The following CTNNA3 variants were observed in gnomAD, a reference collection of about 807,000 sequenced individuals.
The protein encoded by CTNNA3 is catenin alpha-3.
In CTNNA3, 76 loss-of-function variants were observed where a neutral mutation model predicts 95.7. That is an observed-to-expected ratio of 0.79 (90% CI 0.66 to 0.96). The LOEUF (loss-of-function observed/expected upper bound fraction) is 0.96, where lower values mean the gene tolerates loss of function less well. CTNNA3 is among the 40% of genes least tolerant of loss of function. The pLI is 0.00. For synonymous variants in CTNNA3, 431 were observed against 374.4 expected, an observed-to-expected ratio of 1.15 and a Z score of -1.74; for missense variants, 1,191 against 1,089.8, an observed-to-expected ratio of 1.09 and a Z score of -1.31.
At chr10:67,362,408 CAAA>C (rs1237344137) in intron 5 of CTNNA3, among the ~76,000 whole-genome samples, 1 of 152,082 alleles carries the variant, frequency 6.6e-6, no homozygotes, top group Non-Finnish European at 1.5e-5. Flanking sequence ...AGCAGCACAT[CAAA>C]AAGTTATTTC....
chr10:67,342,553 A>ATCCATTC (rs1396470098), intron 5 of CTNNA3, among the ~76,000 whole-genome samples: 7 of 152,164 alleles, frequency 4.6e-5, no homozygotes, highest in African/African-American at 1.7e-4. Flanking sequence ...CGTTTTCTGT[A>ATCCATTC]GTAGTTTCAT....
At chr10:66,928,390 G>A in intron 7 of CTNNA3, 1 of 1,614,142 alleles carries the variant, frequency 6.2e-7, no homozygotes, top group African/African-American at 1.3e-5. Context: ...GGAGACCAGC[G>A]AGATGCTGCT....
chr10:67,471,581 A>T (rs1045316360), intron 5 of CTNNA3, among the ~76,000 whole-genome samples: 6 of 152,334 alleles, frequency 3.9e-5, no homozygotes, highest in African/African-American at 1.4e-4. Flanking sequence ...GAAACTGAAG[A>T]AAAAAAGAAC....
At chr10:67,132,498 G>A (rs1860067566) in intron 7 of CTNNA3, among the ~76,000 whole-genome samples, 1 of 152,024 alleles carries the variant, frequency 6.6e-6, no homozygotes, top group African/African-American at 2.4e-5. Flanking sequence ...AGAAATCGAG[G>A]AGATGTACAA....
chr10:67,053,799 A>T (rs1855262739), intron 7 of CTNNA3, among the ~76,000 whole-genome samples: 1 of 152,206 alleles, frequency 6.6e-6, no homozygotes, highest in Admixed American at 6.5e-5. Flanking sequence ...TCATTTTCCC[A>T]TTGAGATTAA....
At chr10:67,146,320 T>C (rs1172389837) in intron 7 of CTNNA3, among the ~76,000 whole-genome samples, 3 of 152,246 alleles carry the variant, frequency 2.0e-5, no homozygotes, top group Non-Finnish European at 4.4e-5. Context: ...GTCTAAGTGC[T>C]AATTTTCCAA....
At chr10:66,736,224 C>T (rs1028903604) in intron 9 of CTNNA3, among the ~76,000 whole-genome samples, 8 of 151,880 alleles carry the variant, frequency 5.3e-5, no homozygotes, top group Non-Finnish European at 8.8e-5. Flanking sequence ...CTCGCCCTGT[C>T]GCCCAGGCTG....
At position 66,459,964 on chromosome 10, in the gene CTNNA3, CT is replaced by C. The variant is rs924669777; in HGVS notation, c.1531+60652del. On this transcript the variant is annotated intron_variant, in intron 11 of 17. Transcript: ENST00000433211. ...GGTTCTTTATTTTAAATGGAACTCACTTTTTGTTATGATGTAAATGACAGAT... is the reference window on the plus strand; with the variant it reads ...GGTTCTTTATTTTAAATGGAACTCACTTTTGTTATGATGTAAATGACAGAT... Among the ~76,000 whole-genome samples the C allele has an allele frequency of 2.6e-4, 37 of 141,376 alleles. 1 individual carries two copies. The allele number at this position is 141,376 out of a possible 152,430, so 92.7% of individuals were successfully genotyped here.
At chr10:66,096,526 CT>C (rs5785749) in intron 14 of CTNNA3, among the ~76,000 whole-genome samples, 37,159 of 135,084 alleles carry the variant, frequency 0.28, 5,124 homozygotes, top group South Asian at 0.4. Flanking sequence ...TCTTTTCTTT[CT>C]TTTTTTTTTT....
At chr10:66,685,231 G>A (rs1208764762) in intron 9 of CTNNA3, among the ~76,000 whole-genome samples, 22 of 120,684 alleles carry the variant, frequency 1.8e-4, no homozygotes, top group Admixed American at 1.8e-4. Context: ...ATATATATAC[G>A]TATATATGTG....
At chr10:67,456,132 A>C (rs1296883275) in intron 5 of CTNNA3, among the ~76,000 whole-genome samples, 5 of 152,178 alleles carry the variant, frequency 3.3e-5, no homozygotes, top group Admixed American at 2.6e-4. Context: ...CCAACAAATC[A>C]AAATGGAAGA....
intron 11 of CTNNA3, among the ~76,000 whole-genome samples, chr10:66,438,564 C>T (rs979895573): frequency 2.0e-5 from 3 of 152,142 alleles, no homozygotes; most frequent in Non-Finnish European, 2.9e-5. Context: ...CAAGCTGGAG[C>T]ATCCCAGGTC....
chr10:67,076,139 G>C lies in CTNNA3; in HGVS notation c.1047+104178C>G, dbSNP rs187480028. 2.7e-3 allele frequency among the ~76,000 whole-genome samples: 411 copies of C among 152,298 alleles called. 1 individual carries two copies. Among genetic ancestry groups the C allele is most frequent in the African/African-American group, 9.2e-3 (384 of 41,554 alleles). ...GAGGGTGGACCTTTTAAGCTCCCCT[G>C]TATTACAAAGTGAATAATTTCAGAA... On this transcript the variant is annotated intron_variant, in intron 7 of 17. Coordinates refer to ENST00000433211, the MANE Select transcript of CTNNA3 (RefSeq NM_013266.4).
intron 6 of CTNNA3, among the ~76,000 whole-genome samples, chr10:67,206,048 C>T (rs1863885569): frequency 6.6e-6 from 1 of 152,140 alleles, no homozygotes; most frequent in Admixed American, 6.5e-5. Flanking sequence ...AGGCAGGAGC[C>T]TAACTTTGGT....
intron 10 of CTNNA3, among the ~76,000 whole-genome samples, chr10:66,547,056 T>C (rs1911291): frequency 0.92 from 140,027 of 152,062 alleles, 64,673 homozygotes; most frequent in East Asian, 0.98. Flanking sequence ...CTTGATTTCT[T>C]CTAATTCTGG....
chr10:66,811,523 G>T (rs1405707238), intron 7 of CTNNA3, among the ~76,000 whole-genome samples: 1 of 152,164 alleles, frequency 6.6e-6, no homozygotes, highest in Non-Finnish European at 1.5e-5. Flanking sequence ...TCGAAATGGA[G>T]TAAAGGTAGT....
chr10:67,295,650 C>T (rs960163606), intron 5 of CTNNA3, among the ~76,000 whole-genome samples: 3 of 152,184 alleles, frequency 2.0e-5, no homozygotes, highest in African/African-American at 7.2e-5. Context: ...CCACTCACAG[C>T]TAAAGCCACA....
intron 5 of CTNNA3, among the ~76,000 whole-genome samples, chr10:67,371,181 A>G (rs1254696750): frequency 6.6e-6 from 1 of 151,636 alleles, no homozygotes; most frequent in African/African-American, 2.4e-5. Context: ...GAAGTTTTAC[A>G]GCAAGAAATT....
intron 13 of CTNNA3, among the ~76,000 whole-genome samples, chr10:66,221,964 T>C (rs2088955186): frequency 6.6e-6 from 1 of 152,202 alleles, no homozygotes; most frequent in Non-Finnish European, 1.5e-5. Flanking sequence ...GGCTTCTAGC[T>C]TAAGTACAAT....
Sources: allele counts gnomAD v4.1 joint callset (sites outside exome capture counted in the v4.1 genomes callset), GRCh38; gene constraint gnomAD v4.1.1; transcripts MANE v1.5; gene names NCBI Gene and HGNC (gene_info 2026-07-23, HGNC 2026-07-21).